Variants in TPO observed in about 807,000 individuals in gnomAD.
TPO encodes the protein thyroid peroxidase.
In TPO, 78 loss-of-function variants were observed where a neutral mutation model predicts 96.9. That is an observed-to-expected ratio of 0.81 (90% confidence interval 0.67 to 0.97). The LOEUF is 0.97. TPO is among the 50% of genes least tolerant of loss of function. TPO has a pLI of 0.00. For missense variants in TPO, 1,252 were observed against 1,274.8 expected (o/e 0.98, Z 0.27); for synonymous variants, 547 against 538.0 (o/e 1.02, Z -0.23).
In TPO at chr2:1,487,841, C is replaced by A. The variant is rs121908082; in HGVS notation, c.1618C>A (p.Arg540=). The A allele has an allele frequency of 1.2e-6, 2 of 1,614,210 alleles. No homozygotes were observed. The highest frequency in any genetic ancestry group is 8.5e-7 in the Non-Finnish European group (1 of 1,180,036). ...LRGGGLDPLI[R]GLLARPAKLQ... ...TCCAGGTGGTTTGGACCCACTAATA[C>A]GAGGCCTTCTTGCAAGACCAGCCAA... Residue 540 remains arginine, a synonymous_variant, in exon 10 of 17, where the codon CGA becomes AGA. Coordinates refer to ENST00000329066, the MANE Select transcript of TPO (RefSeq NM_001206744.2).
chr2:1,462,159 C>T (rs925157068), intron 7 of TPO, among the ~76,000 whole-genome samples: 2 of 152,164 alleles, frequency 1.3e-5, no homozygotes, highest in African/African-American at 2.4e-5. Flanking sequence ...CCCTTCCACA[C>T]GGAGCACATG....
At chr2:1,524,353 T>C (rs1573542114) in intron 15 of TPO, among the ~76,000 whole-genome samples, 1 of 91,100 alleles carries the variant, frequency 1.1e-5, no homozygotes, top group African/African-American at 4.4e-5. Flanking sequence ...CCTCCCCAAA[T>C]CCCTCCACTC....
At chr2:1,493,217 G>GGGGGC (rs1553321307) in intron 10 of TPO, among the ~76,000 whole-genome samples, 1 of 118,494 alleles carries the variant, frequency 8.4e-6, no homozygotes, top group Non-Finnish European at 1.8e-5. Context: ...GGTGGGGGGG[G>GGGGGC]GGGTGCTGGC....
chr2:1,416,239 C>T lies in TPO; in HGVS notation c.94+1737C>T, dbSNP rs115622819. Among the ~76,000 whole-genome samples, 1,057 of 152,282 alleles carry T rather than the reference C, an allele frequency of 6.9e-3. 13 individuals carry two copies. The highest frequency in any genetic ancestry group is 0.023 in the African/African-American group (966 of 41,560). ...AGGAAAAAGTGATTTTGCATCTTCC[C>T]AGAATAAATCAGTCACTCTATCACC... On this transcript the variant is annotated intron_variant, in intron 2 of 16. Coordinates refer to ENST00000329066, the MANE Select transcript of TPO (RefSeq NM_001206744.2).
intron 13 of TPO, among the ~76,000 whole-genome samples, chr2:1,498,838 T>C (rs918617229): frequency 3.3e-5 from 5 of 150,382 alleles, no homozygotes; most frequent in African/African-American, 1.3e-4. Context: ...AATCGCAAGG[T>C]TTTCCTGTTC....
intron 14 of TPO, among the ~76,000 whole-genome samples, chr2:1,514,340 T>C (rs11896517): frequency 0.21 from 31,221 of 152,098 alleles, 3,536 homozygotes; most frequent in African/African-American, 0.31. Context: ...AAAAACACAG[T>C]GGGAATAATG....
chr2:1,540,374 A>AAATTCTAAAATCATTTTTCC (rs1321785110), intron 15 of TPO, among the ~76,000 whole-genome samples: 1 of 152,132 alleles, frequency 6.6e-6, no homozygotes, highest in Non-Finnish European at 1.5e-5. Context: ...TCTTGGCTGC[A>AAATTCTAAAATCATTTTTCC]AATTCTAAAA....
chr2:1,441,235 C>T (rs567298935), intron 5 of TPO, among the ~76,000 whole-genome samples: 39 of 152,108 alleles, frequency 2.6e-4, no homozygotes, highest in African/African-American at 7.0e-4. Context: ...CAGGAGCTAC[C>T]GTGTTGGAAG....
chr2:1,388,489 G>T (rs530177146), intron 1 of TPO, among the ~76,000 whole-genome samples: 7 of 152,340 alleles, frequency 4.6e-5, no homozygotes, highest in South Asian at 2.1e-4. Context: ...GAGGCTCTGT[G>T]GGTGTAGGAC....
At chr2:1,475,731 C>T (rs1314097876) in intron 7 of TPO, among the ~76,000 whole-genome samples, 1 of 152,106 alleles carries the variant, frequency 6.6e-6, no homozygotes, top group Non-Finnish European at 1.5e-5. Context: ...GGATTACAGG[C>T]GTGAGCCCCC....
At chr2:1,480,024 C>T (rs1404363770) in intron 8 of TPO, among the ~76,000 whole-genome samples, 1 of 152,146 alleles carries the variant, frequency 6.6e-6, no homozygotes, top group African/African-American at 2.4e-5. Flanking sequence ...TCAAGTGATC[C>T]GCCTGCCTCA....
chr2:1,484,442 C>T (rs1433088955), intron 8 of TPO, among the ~76,000 whole-genome samples, 154 bp from the exon 9 acceptor site: 3 of 152,196 alleles, frequency 2.0e-5, no homozygotes, highest in African/African-American at 7.2e-5. Flanking sequence ...AGCAAGAAGG[C>T]ATTTCTGGGA....
chr2:1,495,352 T>C lies in TPO; in HGVS notation c.2007-637T>C, dbSNP rs552293077. Among the ~76,000 whole-genome samples, 12 of 152,312 alleles carry C rather than the reference T, an allele frequency of 7.9e-5. No homozygotes were observed. In the East Asian group the frequency reaches 1.7e-3, roughly 22 times the overall value. ...TTTACGGCATTCAGGCCAGGAGCTA[T>C]TGGGGCTTTGGCAACTATTTTCATA... On this transcript the variant is annotated intron_variant, in intron 11 of 16. Coordinates refer to ENST00000329066, the MANE Select transcript of TPO (RefSeq NM_001206744.2).
At chr2:1,402,166 C>G (rs1180292957) in intron 1 of TPO, among the ~76,000 whole-genome samples, 1 of 152,238 alleles carries the variant, frequency 6.6e-6, no homozygotes, top group Non-Finnish European at 1.5e-5. Flanking sequence ...CTCCACCTAA[C>G]CAATGCCTCA....
intron 1 of TPO, among the ~76,000 whole-genome samples, chr2:1,391,415 T>C (rs1286172095): frequency 1.3e-5 from 2 of 152,240 alleles, no homozygotes; most frequent in Admixed American, 6.5e-5. Context: ...TTGGTTACTG[T>C]AGCCTCATAG....
At position 1,540,736 on chromosome 2, in the gene TPO, A is replaced by G; in HGVS notation, c.2748+13A>G. 1 of 1,613,246 alleles carries G rather than the reference A, an allele frequency of 6.2e-7. No individual in the cohort carries two copies. The highest frequency in any genetic ancestry group is 8.5e-7 in the Non-Finnish European group (1 of 1,180,010). On this transcript the variant is annotated intron_variant, in intron 16 of 16. Coordinates refer to ENST00000329066, the MANE Select transcript of TPO (RefSeq NM_001206744.2). ...GGACTCGGAGCAGGTGGGCCACACC[A>G]TGCCGCATGTTTCCAGCTGCCACCG...
intron 8 of TPO, 144 bp downstream of exon 8, chr2:1,477,748 G>T (rs1670122014): frequency 7.3e-7 from 1 of 1,369,736 alleles, no homozygotes; most frequent in Admixed American, 3.4e-5. Flanking sequence ...CCAGGTCGTG[G>T]GGCCCTGTGT....
upstream of TPO, among the ~76,000 whole-genome samples, chr2:1,411,500 C>T (rs1662336746): frequency 6.6e-6 from 1 of 152,228 alleles, no homozygotes; most frequent in Non-Finnish European, 1.5e-5. Context: ...CTTCTTCAAA[C>T]TCTTCCTTGA....
At chr2:1,503,109 TG>T (rs1460468440) in intron 13 of TPO, among the ~76,000 whole-genome samples, 3 of 152,196 alleles carry the variant, frequency 2.0e-5, no homozygotes, top group Admixed American at 2.0e-4. Context: ...GCGGTGAGAC[TG>T]GGGAGGGTCC....
Sources: allele counts gnomAD v4.1 joint callset (sites outside exome capture counted in the v4.1 genomes callset), GRCh38; gene constraint gnomAD v4.1.1; transcripts MANE v1.5; gene names NCBI Gene and HGNC (gene_info 2026-07-23, HGNC 2026-07-21).